Variants in USP7 observed in about 807,000 individuals in gnomAD.
USP7 encodes ubiquitin C-terminal hydrolase 7.
USP7 carries 9 observed loss-of-function variants against 162.9 expected under a neutral mutation model. That is an observed-to-expected ratio of 0.06 (90% CI 0.03 to 0.10). The LOEUF is 0.10. USP7 is among the 10% of genes least tolerant of loss of function. USP7 has a pLI of 1.00. For synonymous variants in USP7, 562 were observed against 475.9 expected, an observed-to-expected ratio of 1.18 and a Z score of -2.35; for missense variants, 715 against 1,373.7, an observed-to-expected ratio of 0.52 and a Z score of 7.58.
chr16:8,913,642 G>A (rs570162473), intron 10 of USP7, among the ~76,000 whole-genome samples: 5 of 152,144 alleles, frequency 3.3e-5, no homozygotes, highest in African/African-American at 1.2e-4. Context: ...CAGCCGACCC[G>A]CACTAAATGA....
At chr16:8,957,490 T>A (rs1899855206) in intron 1 of USP7, among the ~76,000 whole-genome samples, 1 of 151,480 alleles carries the variant, frequency 6.6e-6, no homozygotes, top group Non-Finnish European at 1.5e-5. Flanking sequence ...ACACCTATAA[T>A]CCCAGTGCTT....
rs1427434659 is a variant in USP7, at chr16:8,948,179, CT to C, written c.79+15027del. 1.1e-4 allele frequency among the ~76,000 whole-genome samples: 16 copies of C among 152,330 alleles called. No individual in the cohort carries two copies. In the South Asian group the frequency reaches 3.3e-3, roughly 32 times the overall value. ...ATCCCTTTCCCACAGTTCCGCTCCCCTGATGGAACCCTCAACTGACCTTGAT... is the reference window on the plus strand; with the variant it reads ...ATCCCTTTCCCACAGTTCCGCTCCCCGATGGAACCCTCAACTGACCTTGAT... On this transcript the variant is annotated intron_variant, in intron 1 of 30. Coordinates refer to ENST00000344836, the MANE Select transcript of USP7 (RefSeq NM_003470.3).
At chr16:8,952,893 C>T (rs192810096) in intron 1 of USP7, among the ~76,000 whole-genome samples, 1 of 151,854 alleles carries the variant, frequency 6.6e-6, no homozygotes, top group African/African-American at 2.4e-5. Flanking sequence ...CTAGAGTGCA[C>T]TGGCGCAATC....
At chr16:8,905,701 G>C (rs1040044615) in intron 13 of USP7, among the ~76,000 whole-genome samples, 2 of 152,310 alleles carry the variant, frequency 1.3e-5, no homozygotes, top group East Asian at 3.9e-4. Flanking sequence ...CCAAACGAGA[G>C]TTCAAATTTT....
chr16:8,942,271 G>A (rs1567241512), intron 1 of USP7, among the ~76,000 whole-genome samples: 1 of 152,232 alleles, frequency 6.6e-6, no homozygotes, highest in Non-Finnish European at 1.5e-5. Flanking sequence ...CACTCGGAGT[G>A]ACTGGGATGC....
At chr16:8,896,872 C>T (rs1233663457) in intron 26 of USP7, 127 bp downstream of exon 26, 4 of 754,554 alleles carry the variant, frequency 5.3e-6, no homozygotes, top group South Asian at 4.6e-5. Context: ...TGGAGGCACA[C>T]CCCACTGAGT....
chr16:8,939,619 G>T (rs1465864461), intron 1 of USP7, among the ~76,000 whole-genome samples: 2 of 152,220 alleles, frequency 1.3e-5, no homozygotes, highest in African/African-American at 4.8e-5. Flanking sequence ...TTCCCTGAGT[G>T]CTAACATGAA....
chr16:8,911,152 C>A (rs184825303), intron 10 of USP7, among the ~76,000 whole-genome samples: 1 of 152,260 alleles, frequency 6.6e-6, no homozygotes, highest in African/African-American at 2.4e-5. Flanking sequence ...GTGTGGACAA[C>A]CCCTTGGTCT....
At chr16:8,896,893 C>A (rs773730186) in intron 26 of USP7, 106 bp downstream of exon 26, 1 of 845,376 alleles carries the variant, frequency 1.2e-6, no homozygotes, top group Non-Finnish European at 2.0e-6. Context: ...CTGGGAATGA[C>A]GCGCATGGAT....
chr16:8,899,109 CAT>C lies in USP7; in HGVS notation c.2531+10_2531+11del, dbSNP rs771812448. 2.9e-5 allele frequency: 47 copies of C among 1,614,132 alleles called. No individual in the cohort carries two copies. Among genetic ancestry groups the C allele is most frequent in the South Asian group, 2.2e-4 (20 of 91,084 alleles). ...AGTCAAGACCAAGCAAGTGTCCACA[CAT>C]GTGACCTACCCTTGAGACTTGAAAA... On this transcript the variant is annotated intron_variant, in intron 23 of 30. Transcript: ENST00000344836.
rs201850689 is a variant in USP7, at chr16:8,930,633, CT to C, written c.80-237del. ...ACATGCTATACCACACTATAATTTG[CT>C]TTATTTGCAATGATATTCTGCACAA... On this transcript the variant is annotated intron_variant, in intron 1 of 30. Coordinates refer to ENST00000344836, the MANE Select transcript of USP7 (RefSeq NM_003470.3). Among the ~76,000 whole-genome samples the C allele has an allele frequency of 3.9e-3, 601 of 152,234 alleles. 2 individuals carry two copies. The highest frequency in any genetic ancestry group is 0.014 in the African/African-American group (580 of 41,552).
intron 1 of USP7, among the ~76,000 whole-genome samples, chr16:8,932,698 T>G (rs1898435306): frequency 6.6e-6 from 1 of 152,196 alleles, no homozygotes; most frequent in South Asian, 2.1e-4. Context: ...ATCAAATCTT[T>G]AAAAAGTTTT....
Position 8,963,713 on chromosome 16 carries a change from G to A in USP7, c.-428C>T, listed in dbSNP as rs1450190791. 7.0e-6 allele frequency among the ~76,000 whole-genome samples: 1 copy of A among 143,068 alleles called. No homozygotes were observed. Among genetic ancestry groups the A allele is most frequent in the Non-Finnish European group, 1.5e-5 (1 of 64,722 alleles). The allele number at this position is 143,068 out of a possible 152,430, so 93.9% of individuals were successfully genotyped here. A position where few individuals can be genotyped will look rare whatever the true frequency, so the allele number is the denominator to read the frequency against. ...CTCGGGCCGGGCGCGGCGGACGGGA[G>A]GCCTGGCCGGCCGCGGCGGGCCTGC... is the stretch of plus-strand genomic sequence containing the variant. On this transcript the variant is annotated 5_prime_UTR_variant, in exon 1 of 31. Transcript: ENST00000344836.
At chr16:8,955,438 C>T (rs1469759055) in intron 1 of USP7, among the ~76,000 whole-genome samples, 1 of 151,722 alleles carries the variant, frequency 6.6e-6, no homozygotes, top group African/African-American at 2.4e-5. Context: ...ATAGCAATTG[C>T]ATGGCCAGGC....
In USP7 at chr16:8,933,644, G is replaced by C. The variant is rs138060270; in HGVS notation, c.80-3247C>G. Among the ~76,000 whole-genome samples the C allele has an allele frequency of 2.6e-5, 4 of 152,102 alleles. No individual in the cohort carries two copies. In the South Asian group the frequency reaches 8.3e-4, roughly 32 times the overall value. ...CATTTTTTTTTCCTCAAAGAGACAA[G>C]ATTTTACAATGTTGCCCAGGTTGGT... On this transcript the variant is annotated intron_variant, in intron 1 of 30. Transcript: ENST00000344836.
At chr16:8,922,644 T>C (rs1897761649) in intron 3 of USP7, among the ~76,000 whole-genome samples, 1 of 152,218 alleles carries the variant, frequency 6.6e-6, no homozygotes, top group African/African-American at 2.4e-5. Context: ...TGCAGACAGG[T>C]TGACAAAGTG....
intron 1 of USP7, among the ~76,000 whole-genome samples, chr16:8,947,159 G>A (rs764633889): frequency 6.6e-6 from 1 of 152,090 alleles, no homozygotes; most frequent in South Asian, 2.1e-4. Flanking sequence ...GCAGCTGACT[G>A]AATGCACAAG....
intron 13 of USP7, 66 bp downstream of exon 13, chr16:8,906,360 G>C: frequency 6.4e-7 from 1 of 1,566,978 alleles, no homozygotes; most frequent in South Asian, 1.2e-5. Context: ...AACCAGAACA[G>C]GCTGAAGCAG....
chr16:8,912,447 G>A (rs2061961802), intron 10 of USP7, among the ~76,000 whole-genome samples: 2 of 127,710 alleles, frequency 1.6e-5, no homozygotes, highest in Non-Finnish European at 3.4e-5. Flanking sequence ...GAGACTCCAT[G>A]TCAAAAAAAA....
Sources: gnomAD v4.1 joint callset for allele counts (sites outside exome capture counted in the v4.1 genomes callset) on GRCh38, gnomAD v4.1.1 for gene constraint, MANE v1.5 for transcripts, NCBI Gene and HGNC (gene_info 2026-07-23, HGNC 2026-07-21) for gene names.